LIN52: variants seen among roughly 807,000 people sequenced by gnomAD.
LIN52 encodes the protein lin-52 DREAM MuvB core complex component.
In LIN52, 4 loss-of-function variants were observed where a neutral mutation model predicts 18.5. That is an observed-to-expected ratio of 0.22 (90% CI 0.11 to 0.49). The LOEUF (loss-of-function observed/expected upper bound fraction) is 0.49. LIN52 is among the 20% of genes least tolerant of loss of function. The pLI, the probability that LIN52 is intolerant of heterozygous loss-of-function variation, is 0.97. For missense variants in LIN52, 102 were observed against 139.5 expected (o/e 0.73, Z 1.35); for synonymous variants, 34 against 45.5 (o/e 0.75, Z 1.02).
chr14:74,102,202 C>T (rs1161942491), intron 5 of LIN52, among the ~76,000 whole-genome samples: 1 of 152,130 alleles, frequency 6.6e-6, no homozygotes, highest in Non-Finnish European at 1.5e-5. Flanking sequence ...AAGATCATGC[C>T]ACTGCACTCC....
intron 5 of LIN52, chr14:74,174,672 T>G (rs2061284754): frequency 6.6e-6 from 1 of 151,998 alleles, no homozygotes; most frequent in South Asian, 2.1e-4. Context: ...AGGTCAGAAC[T>G]CGTGTTCTTA....
At position 74,199,212 on chromosome 14, in the gene LIN52, T is replaced by G; in HGVS notation, c.*235T>G. The G allele has an allele frequency of 2.4e-6, 1 of 414,428 alleles. No homozygotes were observed. The highest frequency in any genetic ancestry group is 4.3e-6 in the Non-Finnish European group (1 of 232,856). The allele number at this position is 414,428 out of a possible 1,614,324, so 25.7% of individuals were successfully genotyped here. ...TCAATCAACTTTCAGACTTGAACCT[T>G]CTTAGCCTCGGATATTGGTAACAGC... On this transcript the variant is annotated 3_prime_UTR_variant, in exon 6 of 6. Coordinates refer to ENST00000555028, the MANE Select transcript of LIN52 (RefSeq NM_001024674.3).
At chr14:74,110,100 C>T (rs1386708408) in intron 5 of LIN52, among the ~76,000 whole-genome samples, 1 of 152,094 alleles carries the variant, frequency 6.6e-6, no homozygotes, top group Non-Finnish European at 1.5e-5. Flanking sequence ...TAAGGTAACA[C>T]TGAATATATT....
chr14:74,173,336 C>T (rs1233594440), intron 5 of LIN52, among the ~76,000 whole-genome samples: 1 of 152,096 alleles, frequency 6.6e-6, no homozygotes, highest in Non-Finnish European at 1.5e-5. Flanking sequence ...TACAGGCTTG[C>T]ACCACCACGC....
intron 5 of LIN52, among the ~76,000 whole-genome samples, chr14:74,124,480 T>A (rs896333376): frequency 6.6e-6 from 1 of 152,148 alleles, no homozygotes; most frequent in Non-Finnish European, 1.5e-5. Flanking sequence ...AAAGTTCATT[T>A]TAAAATTTTA....
chr14:74,181,384 G>A (rs892008650), intron 5 of LIN52, among the ~76,000 whole-genome samples: 2 of 150,118 alleles, frequency 1.3e-5, no homozygotes, highest in Admixed American at 6.7e-5. Context: ...AGGCTGCAGC[G>A]AGCCATGATC....
intron 5 of LIN52, among the ~76,000 whole-genome samples, chr14:74,124,943 T>G (rs1033289629): frequency 6.6e-6 from 1 of 151,990 alleles, no homozygotes; most frequent in Non-Finnish European, 1.5e-5. Context: ...TTAAAAACTT[T>G]TGTGTGTCCA....
chr14:74,158,882 A>G (rs2061212271), intron 5 of LIN52, among the ~76,000 whole-genome samples: 1 of 152,248 alleles, frequency 6.6e-6, no homozygotes, highest in Non-Finnish European at 1.5e-5. Context: ...TCAAAGCCAA[A>G]TAACACAAAA....
At chr14:74,160,315 A>G (rs2061218801) in intron 5 of LIN52, among the ~76,000 whole-genome samples, 1 of 152,192 alleles carries the variant, frequency 6.6e-6, no homozygotes, top group Non-Finnish European at 1.5e-5. Flanking sequence ...CAATTCTAGC[A>G]TTAGCTCAAG....
intron 5 of LIN52, among the ~76,000 whole-genome samples, chr14:74,163,832 A>C (rs2061236638): frequency 6.6e-6 from 1 of 151,952 alleles, no homozygotes; most frequent in Non-Finnish European, 1.5e-5. Flanking sequence ...GGCTTAAATA[A>C]GGAGGATTAA....
At chr14:74,130,278 G>GTTTTTTTTTTTGTTTTTTTTT (rs2061055285) in intron 5 of LIN52, among the ~76,000 whole-genome samples, 2 of 64,842 alleles carry the variant, frequency 3.1e-5, no homozygotes, top group Non-Finnish European at 5.6e-5. Context: ...GCATTTTTTG[G>GTTTTTTTTTTTGTTTTTTTTT]TTTTTTTTTT....
At chr14:74,108,123 A>G (rs1176863229) in intron 5 of LIN52, among the ~76,000 whole-genome samples, 1 of 152,124 alleles carries the variant, frequency 6.6e-6, no homozygotes, top group Admixed American at 6.5e-5. Flanking sequence ...AAATCATATA[A>G]TATGTGGTTT....
At chr14:74,198,836 A>G (rs1032745197) in intron 5 of LIN52, 86 bp from the exon 6 acceptor site, 8 of 1,002,586 alleles carry the variant, frequency 8.0e-6, no homozygotes, top group Non-Finnish European at 1.2e-5. Context: ...ATTTAAATCA[A>G]TCTGCATTTT....
chr14:74,157,459 A>ATAT (rs371363719), intron 5 of LIN52, among the ~76,000 whole-genome samples: 6,995 of 139,956 alleles, frequency 0.05, 227 homozygotes, highest in Admixed American at 0.11. Context: ...ATATATATAT[A>ATAT]TTTTTTAATT....
intron 5 of LIN52, among the ~76,000 whole-genome samples, chr14:74,157,288 C>T (rs2061203434): frequency 6.6e-6 from 1 of 151,940 alleles, no homozygotes; most frequent in Admixed American, 6.6e-5. Flanking sequence ...CCGCCTCAGC[C>T]TCCCAAAGTG....
chr14:74,116,778 A>G (rs572266636), intron 5 of LIN52, among the ~76,000 whole-genome samples: 27 of 151,468 alleles, frequency 1.8e-4, no homozygotes, highest in Non-Finnish European at 2.9e-4. Flanking sequence ...TTCATTATAT[A>G]TAAGGATAAT....
intron 5 of LIN52, among the ~76,000 whole-genome samples, chr14:74,188,128 A>AT (rs893538429): frequency 2.6e-5 from 4 of 152,186 alleles, no homozygotes; most frequent in Admixed American, 1.3e-4. Flanking sequence ...ATTCATAGAG[A>AT]TTTTTTGTAT....
At chr14:74,091,815 C>G (rs1353944862) in intron 2 of LIN52, among the ~76,000 whole-genome samples, 1 of 149,570 alleles carries the variant, frequency 6.7e-6, no homozygotes, top group Non-Finnish European at 1.5e-5. Flanking sequence ...TAACCCATTA[C>G]CATCAGACCA....
At chr14:74,177,003 T>C (rs1041838643) in intron 5 of LIN52, among the ~76,000 whole-genome samples, 1 of 145,610 alleles carries the variant, frequency 6.9e-6, no homozygotes, top group African/African-American at 2.5e-5. Flanking sequence ...TTGTTTCCAC[T>C]TTTTTTTTTT....
Sources: allele counts gnomAD v4.1 joint callset (sites outside exome capture counted in the v4.1 genomes callset), GRCh38; gene constraint gnomAD v4.1.1; transcripts MANE v1.5; gene names NCBI Gene and HGNC (gene_info 2026-07-23, HGNC 2026-07-21).